Variants in EYA1 observed in about 807,000 individuals in gnomAD.
EYA1 encodes the protein EYA transcriptional coactivator and phosphatase 1, also known as protein phosphatase EYA1.
A neutral mutation model predicts 82.0 loss-of-function variants in EYA1; 16 were observed. The ratio of observed to expected loss-of-function variants is 0.20; its 90% confidence interval spans 0.13 to 0.30. EYA1 has a LOEUF of 0.30. EYA1 is among the 10% of genes least tolerant of loss of function. The pLI, the probability that EYA1 is intolerant of heterozygous loss-of-function variation, is 1.00. For missense variants in EYA1, 633 were observed against 730.7 expected (o/e 0.87, Z 1.54); for synonymous variants, 261 against 264.4 (o/e 0.99, Z 0.12).
At chr8:71,465,753 C>T (rs56259995) in intron 2 of EYA1, among the ~76,000 whole-genome samples, 1,833 of 152,180 alleles carry the variant, frequency 0.012, 39 homozygotes, top group East Asian at 0.083. Context: ...CTCCAAAATT[C>T]GTGTTGAAAT....
At chr8:71,231,953 TC>T (rs1359363719) in intron 12 of EYA1, among the ~76,000 whole-genome samples, 1 of 152,206 alleles carries the variant, frequency 6.6e-6, no homozygotes, top group Non-Finnish European at 1.5e-5. Flanking sequence ...TAGGCCCCGC[TC>T]CATAGCATCC....
intron 4 of EYA1, among the ~76,000 whole-genome samples, chr8:71,322,655 T>G (rs1211682511): frequency 6.6e-6 from 1 of 152,104 alleles, no homozygotes; most frequent in African/African-American, 2.4e-5. Flanking sequence ...GGTGAGAATG[T>G]GAAAGGTCAG....
At chr8:71,354,593 T>C (rs908155510) in intron 3 of EYA1, among the ~76,000 whole-genome samples, 189 bp downstream of exon 3, 9 of 152,196 alleles carry the variant, frequency 5.9e-5, no homozygotes, top group African/African-American at 2.2e-4. Context: ...ATCTACGCAA[T>C]GTTACAATAA....
chr8:71,539,665 T>A (rs980695567), intron 1 of EYA1, among the ~76,000 whole-genome samples: 1 of 152,136 alleles, frequency 6.6e-6, no homozygotes, highest in Non-Finnish European at 1.5e-5. Flanking sequence ...TTGCTGACCA[T>A]GAATGAAGGG....
chr8:71,367,974 G>A (rs904290152), intron 2 of EYA1, among the ~76,000 whole-genome samples: 1 of 152,200 alleles, frequency 6.6e-6, no homozygotes, highest in African/African-American at 2.4e-5. Context: ...TAAGAGGAAT[G>A]CTTGTTTTAG....
intron 17 of EYA1, among the ~76,000 whole-genome samples, chr8:71,205,487 A>G (rs1322656717): frequency 6.6e-6 from 1 of 152,236 alleles, no homozygotes; most frequent in Non-Finnish European, 1.5e-5. Flanking sequence ...CCATAGGTAG[A>G]GACTTCCCAC....
chr8:71,210,202 T>C (rs1808327408), intron 17 of EYA1, among the ~76,000 whole-genome samples: 3 of 152,228 alleles, frequency 2.0e-5, no homozygotes, highest in Non-Finnish European at 2.9e-5. Context: ...TATTTATCAC[T>C]ACAGCTCCTT....
intron 12 of EYA1, among the ~76,000 whole-genome samples, chr8:71,232,140 C>CTTCAAT (rs1437819230): frequency 6.6e-6 from 1 of 152,218 alleles, no homozygotes; most frequent in East Asian, 1.9e-4. Flanking sequence ...AACCACCTCC[C>CTTCAAT]TTCAATTTCC....
intron 1 of EYA1, among the ~76,000 whole-genome samples, chr8:71,359,686 C>CT (rs1827201509): frequency 1.3e-5 from 2 of 152,106 alleles, no homozygotes; most frequent in South Asian, 2.1e-4. Flanking sequence ...TTTCCATAGG[C>CT]TTTTTTTGCT....
intron 2 of EYA1, among the ~76,000 whole-genome samples, chr8:71,406,362 AG>A (rs1219663654): frequency 1.2e-4 from 18 of 152,150 alleles, no homozygotes. Flanking sequence ...ATTGTTGTTG[AG>A]GGAGGAGCCA....
rs562112925 is a variant in EYA1, at chr8:71,209,432, G to C, written c.1698+1724C>G. On this transcript the variant is annotated intron_variant, in intron 17 of 17. Coordinates refer to ENST00000340726, the MANE Select transcript of EYA1 (RefSeq NM_000503.6). ...TGAGCATGAGGAGACCTGAAGTCAC[G>C]TGTGGGTTTCTACCAGCACCAACCA... is the stretch of plus-strand genomic sequence containing the variant. Among the ~76,000 whole-genome samples the C allele has an allele frequency of 2.6e-5, 4 of 152,182 alleles. No homozygotes were observed. In the South Asian group the frequency reaches 8.3e-4, roughly 32 times the overall value.
chr8:71,348,737 C>T (rs190153055), intron 3 of EYA1, among the ~76,000 whole-genome samples: 5 of 152,280 alleles, frequency 3.3e-5, no homozygotes, highest in Admixed American at 3.3e-4. Flanking sequence ...TCTCCTCCAG[C>T]CACACTGGAC....
chr8:71,368,297 A>G (rs1352688605), intron 2 of EYA1, among the ~76,000 whole-genome samples: 1 of 152,092 alleles, frequency 6.6e-6, no homozygotes, highest in Non-Finnish European at 1.5e-5. Flanking sequence ...GCGCCCGTAG[A>G]GGAGCCCTCT....
At chr8:71,417,411 A>G (rs746482372) in intron 2 of EYA1, among the ~76,000 whole-genome samples, 1 of 152,206 alleles carries the variant, frequency 6.6e-6, no homozygotes, top group Non-Finnish European at 1.5e-5. Flanking sequence ...CACAAGTTCT[A>G]GAAATTAGAA....
At chr8:71,520,244 C>A (rs1234949808) in intron 2 of EYA1, among the ~76,000 whole-genome samples, 1 of 151,430 alleles carries the variant, frequency 6.6e-6, no homozygotes, top group Admixed American at 6.6e-5. Flanking sequence ...GGAAGTCATG[C>A]AGTTGAATTA....
At chr8:71,396,530 T>G (rs1829626972) in intron 2 of EYA1, among the ~76,000 whole-genome samples, 1 of 152,240 alleles carries the variant, frequency 6.6e-6, no homozygotes, top group African/African-American at 2.4e-5. Context: ...TCTTTATTTC[T>G]GCCTTCATTT....
intron 2 of EYA1, among the ~76,000 whole-genome samples, chr8:71,530,193 T>TA (rs1265061484): frequency 6.6e-6 from 1 of 152,114 alleles, no homozygotes; most frequent in Non-Finnish European, 1.5e-5. Flanking sequence ...GGCACAGATG[T>TA]AAGAGGGACA....
At chr8:71,385,253 A>G (rs1828912351) in intron 2 of EYA1, among the ~76,000 whole-genome samples, 1 of 152,094 alleles carries the variant, frequency 6.6e-6, no homozygotes, top group Non-Finnish European at 1.5e-5. Flanking sequence ...ATTATTATGT[A>G]ATTAAAATAA....
intron 2 of EYA1, among the ~76,000 whole-genome samples, chr8:71,432,381 G>T (rs1805688434): frequency 6.6e-6 from 1 of 152,182 alleles, no homozygotes; most frequent in Non-Finnish European, 1.5e-5. Flanking sequence ...CTTTCTTCAA[G>T]AATGCTATAT....
Sources: gnomAD v4.1 joint callset for allele counts (sites outside exome capture counted in the v4.1 genomes callset) on GRCh38, gnomAD v4.1.1 for gene constraint, MANE v1.5 for transcripts, NCBI Gene and HGNC (gene_info 2026-07-23, HGNC 2026-07-21) for gene names.